TMEM244: variants seen among roughly 807,000 people sequenced by gnomAD.
The protein encoded by TMEM244 is transmembrane protein 244, also known as putative transmembrane protein 244.
TMEM244 carries 13 observed loss-of-function variants against 15.8 expected under a neutral mutation model. The observed-to-expected ratio is 0.82, with a 90% CI of 0.53 to 1.30. TMEM244 has a LOEUF of 1.30. Ranked by LOEUF, TMEM244 falls within the 50% of genes most tolerant of loss-of-function variation. TMEM244 has a pLI of 0.00. For synonymous variants in TMEM244, 45 were observed against 48.7 expected (o/e 0.92, Z 0.32); for missense variants, 161 against 144.9 (o/e 1.11, Z -0.57).
At position 129,843,580 on chromosome 6, in the gene TMEM244, G is replaced by A; in HGVS notation, c.143C>T (p.Ala48Val). The A allele has an allele frequency of 1.2e-6, 2 of 1,612,118 alleles. No individual in the cohort carries two copies. Among genetic ancestry groups the A allele is most frequent in the Non-Finnish European group, 1.7e-6 (2 of 1,178,654 alleles). Residue 48 changes from alanine to valine, a missense_variant, in exon 3 of 5, where the codon GCT becomes GTT. Transcript: ENST00000368143. The stretch of plus-strand genomic sequence containing the variant: ...GGGATTTGTTTTGAAATCAAATGGA[G>A]CCAGGACATTCAACTCATGCACCCT... ...MFEVHELNVL[A>V]PFDFKTNPSW... is the part of the protein sequence containing the mutation.
intron 2 of TMEM244, among the ~76,000 whole-genome samples, chr6:129,844,267 G>A (rs1274941250): frequency 6.6e-6 from 1 of 152,146 alleles, no homozygotes; most frequent in Non-Finnish European, 1.5e-5. Flanking sequence ...GTTCCACTTT[G>A]TCCACCAAGT....
At chr6:129,856,598 T>G (rs1332996255) in intron 1 of TMEM244, among the ~76,000 whole-genome samples, 2 of 152,158 alleles carry the variant, frequency 1.3e-5, no homozygotes, top group African/African-American at 4.8e-5. Context: ...AATGTTCAAA[T>G]GTATAAACTT....
intron 4 of TMEM244, 71 bp downstream of exon 4, chr6:129,833,389 T>A (rs1485805032): frequency 2.0e-6 from 3 of 1,506,496 alleles, no homozygotes; most frequent in East Asian, 2.3e-5. Context: ...AAAGTTCTAC[T>A]CAGGAAGTGG....
At chr6:129,834,559 G>A (rs1776375833) in intron 3 of TMEM244, among the ~76,000 whole-genome samples, 1 of 152,160 alleles carries the variant, frequency 6.6e-6, no homozygotes, top group Non-Finnish European at 1.5e-5. Context: ...TTATTATCCA[G>A]CAAGCCAGTG....
chr6:129,842,104 A>G (rs925749207), intron 3 of TMEM244, among the ~76,000 whole-genome samples: 2 of 152,214 alleles, frequency 1.3e-5, no homozygotes, highest in African/African-American at 2.4e-5. Context: ...GCTATGTAAA[A>G]GTTCATCACT....
At chr6:129,840,049 T>A (rs1409345892) in intron 3 of TMEM244, among the ~76,000 whole-genome samples, 1 of 152,198 alleles carries the variant, frequency 6.6e-6, no homozygotes, top group Non-Finnish European at 1.5e-5. Context: ...AAGCTACCAA[T>A]GACTTTCTTC....
chr6:129,861,040 C>T, intron 1 of TMEM244, 116 bp downstream of exon 1: 1 of 1,144,102 alleles, frequency 8.7e-7, no homozygotes, highest in Non-Finnish European at 1.3e-6. Flanking sequence ...GTATGGTACC[C>T]AGCCAAAAGT....
chr6:129,842,446 G>A (rs987997439), intron 3 of TMEM244, among the ~76,000 whole-genome samples: 2 of 152,112 alleles, frequency 1.3e-5, no homozygotes, highest in African/African-American at 2.4e-5. Context: ...AAACAAGGCT[G>A]TACTAAAGCT....
At chr6:129,855,906 A>G (rs1382634894) in intron 1 of TMEM244, among the ~76,000 whole-genome samples, 3 of 152,244 alleles carry the variant, frequency 2.0e-5, no homozygotes, top group Admixed American at 2.0e-4. Context: ...CTGTTCCCCC[A>G]AAATTTTTTA....
chr6:129,843,005 A>G (rs72993230), intron 3 of TMEM244, among the ~76,000 whole-genome samples: 101 of 152,068 alleles, frequency 6.6e-4, no homozygotes, highest in Non-Finnish European at 1.3e-3. Flanking sequence ...TATTTTGGGA[A>G]GAAAAATAAA....
At chr6:129,850,998 T>C (rs1209108810) in intron 1 of TMEM244, among the ~76,000 whole-genome samples, 7 of 152,170 alleles carry the variant, frequency 4.6e-5, no homozygotes, top group Non-Finnish European at 1.0e-4. Flanking sequence ...TATGTGACCA[T>C]CACTGTACTC....
intron 1 of TMEM244, among the ~76,000 whole-genome samples, chr6:129,848,072 G>A (rs1182117937): frequency 2.0e-5 from 3 of 151,958 alleles, no homozygotes; most frequent in Admixed American, 6.6e-5. Context: ...CTCCGCACCT[G>A]GCCTTCACAT....
rs1255188073 is a variant in TMEM244, at chr6:129,843,707, G to A, written c.120-104C>T. 2.2e-5 allele frequency: 17 copies of A among 772,716 alleles called. No individual in the cohort carries two copies. In the East Asian group the frequency reaches 3.2e-4, roughly 15 times the overall value. The allele number at this position is 772,716 out of a possible 1,614,324, so 47.9% of individuals were successfully genotyped here. ...ATTTTCATACAAGGATAAGCTATGCGATTCACCCACATTGTGGCACATTTC... is the reference window on the plus strand; with the variant it reads ...ATTTTCATACAAGGATAAGCTATGCAATTCACCCACATTGTGGCACATTTC... On this transcript the variant is annotated intron_variant, in intron 2 of 4. Transcript: ENST00000368143.
intron 3 of TMEM244, among the ~76,000 whole-genome samples, chr6:129,841,871 C>G (rs1384242558): frequency 2.0e-5 from 3 of 152,108 alleles, no homozygotes; most frequent in Non-Finnish European, 4.4e-5. Flanking sequence ...GCCAAAGTCT[C>G]TGAGGTTACT....
chr6:129,858,943 C>A (rs534621204), intron 1 of TMEM244, among the ~76,000 whole-genome samples: 2 of 152,114 alleles, frequency 1.3e-5, no homozygotes, highest in African/African-American at 2.4e-5. Context: ...TACAGGTGTG[C>A]ACCACCACAC....
At chr6:129,831,780 C>A (rs759488233) in intron 4 of TMEM244, among the ~76,000 whole-genome samples, 40 of 152,314 alleles carry the variant, frequency 2.6e-4, no homozygotes, top group Middle Eastern at 3.4e-3. Flanking sequence ...ATCATTAACT[C>A]ATAACTTTTC....
At chr6:129,837,093 G>A (rs4487606) in intron 3 of TMEM244, among the ~76,000 whole-genome samples, 1 of 151,950 alleles carries the variant, frequency 6.6e-6, no homozygotes, top group Admixed American at 6.6e-5. Context: ...GATACTCTTC[G>A]AGAAGAGCAA....
At chr6:129,838,941 C>A (rs1355545875) in intron 3 of TMEM244, among the ~76,000 whole-genome samples, 1 of 144,676 alleles carries the variant, frequency 6.9e-6, no homozygotes, top group Non-Finnish European at 1.6e-5. Flanking sequence ...TAATTAATGG[C>A]CTATCAACCA....
Position 129,831,357 on chromosome 6 carries a change from A to G in TMEM244, c.349T>C (p.Trp117Arg). 6.3e-7 allele frequency: 1 copy of G among 1,581,022 alleles called. No individual in the cohort carries two copies. Among genetic ancestry groups the G allele is most frequent in the Non-Finnish European group, 8.7e-7 (1 of 1,149,048 alleles). ...VMLEFPLTSH[W>R]WAALGISKLL... ...TTTGATATACCTAAAGCAGCCCACC[A>G]ATGTGATGTCAAGGGGAATTCCAAC... The change falls in exon 5 of 5, where the codon TGG becomes CGG. Residue 117 changes from tryptophan (W) to arginine (R), a missense_variant. By Grantham distance (101) the Trp-to-Arg change is moderately radical. Transcript: ENST00000368143.
Sources: allele counts gnomAD v4.1 joint callset (sites outside exome capture counted in the v4.1 genomes callset), GRCh38; gene constraint gnomAD v4.1.1; transcripts MANE v1.5; gene names NCBI Gene and HGNC (gene_info 2026-07-23, HGNC 2026-07-21).